SPAG17: variants seen among roughly 807,000 people sequenced by gnomAD.
SPAG17 encodes the protein sperm associated antigen 17.
A neutral mutation model predicts 273.6 loss-of-function variants in SPAG17; 169 were observed. The ratio of observed to expected loss-of-function variants is 0.62; its 90% CI spans 0.55 to 0.70. The LOEUF is 0.70. Among genes scored for constraint, SPAG17 ranks in the 30% least tolerant of loss-of-function variants. The pLI, the probability that SPAG17 is intolerant of heterozygous loss-of-function variation, is 0.00. For missense variants in SPAG17, 2,557 were observed against 2,627.8 expected, an observed-to-expected ratio of 0.97 and a Z score of 0.59; for synonymous variants, 825 against 873.2, an observed-to-expected ratio of 0.94 and a Z score of 0.97.
intron 3 of SPAG17, among the ~76,000 whole-genome samples, chr1:118,133,033 A>C (rs994842524): frequency 2.0e-5 from 3 of 152,046 alleles, no homozygotes; most frequent in African/African-American, 4.8e-5. Flanking sequence ...AGCCTCCCAA[A>C]GTGCTGTGAT....
chr1:118,173,807 C>T (rs956495134), intron 1 of SPAG17, among the ~76,000 whole-genome samples: 3 of 150,356 alleles, frequency 2.0e-5, no homozygotes, highest in African/African-American at 7.4e-5. Context: ...CTGCAGTGAG[C>T]CAACACTGTG....
Position 118,099,610 on chromosome 1 carries a change from T to A in SPAG17, c.825A>T (p.Ser275=). The A allele has an allele frequency of 6.2e-7, 1 of 1,613,968 alleles. No homozygotes were observed. Among genetic ancestry groups the A allele is most frequent in the Non-Finnish European group, 8.5e-7 (1 of 1,179,836 alleles). Residue 275 remains serine, a synonymous_variant, in exon 6 of 49, where the codon TCA becomes TCT. Transcript: ENST00000336338. The part of the protein sequence containing the change: ...VNQQQEVLLQ[S]EDLEAEKLKK... ...GTTGTGTAGCAGACTGCATACCTTC[T>A]GACTGAAGAAGAACTTCCTGCTGCT...
intron 3 of SPAG17, among the ~76,000 whole-genome samples, chr1:118,126,382 A>AT (rs1290741523): frequency 7.7e-4 from 105 of 136,142 alleles, no homozygotes; most frequent in Middle Eastern, 3.7e-3. Flanking sequence ...ATTTTTTTGT[A>AT]TTTTTTTTTT....
At chr1:118,115,693 C>T (rs758196700) in intron 3 of SPAG17, among the ~76,000 whole-genome samples, 6 of 152,082 alleles carry the variant, frequency 3.9e-5, no homozygotes, top group East Asian at 3.9e-4. Context: ...GTGCTTCCCA[C>T]GATGGTGTTA....
intron 3 of SPAG17, among the ~76,000 whole-genome samples, chr1:118,127,668 T>C (rs1176159590): frequency 1.3e-5 from 2 of 152,228 alleles, no homozygotes; most frequent in African/African-American, 2.4e-5. Context: ...AGAGATTGCA[T>C]TGAATATGTA....
chr1:118,090,569 A>T (rs1241233223), intron 10 of SPAG17, among the ~76,000 whole-genome samples: 2 of 152,210 alleles, frequency 1.3e-5, no homozygotes, highest in African/African-American at 4.8e-5. Flanking sequence ...AAATAAATCC[A>T]AAGAAAGTAG....
chr1:117,953,770 C>A lies in SPAG17; in HGVS notation c.*280G>T. Reference sequence around the variant, plus strand: ...AGGTGTTCCTGGGACCTGCCCTATTCAGAGTGTCTAGATATCATCCCACCT... The same window carrying A: ...AGGTGTTCCTGGGACCTGCCCTATTAAGAGTGTCTAGATATCATCCCACCT... On this transcript the variant is annotated 3_prime_UTR_variant, in exon 49 of 49. Coordinates refer to ENST00000336338, the MANE Select transcript of SPAG17 (RefSeq NM_206996.4). 1 of 610,106 alleles carries A rather than the reference C, an allele frequency of 1.6e-6. No individual in the cohort carries two copies. 37.8% of individuals were successfully genotyped at this position (610,106 alleles called of 1,614,324 possible). A position where few individuals can be genotyped will look rare whatever the true frequency, so the allele number is the denominator to read the frequency against.
chr1:118,177,020 T>C (rs1326339281), intron 1 of SPAG17, among the ~76,000 whole-genome samples: 1 of 152,034 alleles, frequency 6.6e-6, no homozygotes, highest in African/African-American at 2.4e-5. Flanking sequence ...AAAAACAACA[T>C]ACTGAAATCT....
intron 4 of SPAG17, among the ~76,000 whole-genome samples, chr1:118,114,617 A>G (rs56246080): frequency 0.016 from 2,420 of 152,316 alleles, 62 homozygotes; most frequent in African/African-American, 0.055. Flanking sequence ...CTTTCCAAAC[A>G]TAATTCAGCA....
chr1:118,167,897 G>C (rs950597588), intron 1 of SPAG17, among the ~76,000 whole-genome samples: 1 of 152,114 alleles, frequency 6.6e-6, no homozygotes, highest in Non-Finnish European at 1.5e-5. Flanking sequence ...GTGGGTTCTC[G>C]TGACATGTGG....
At position 118,113,189 on chromosome 1, in the gene SPAG17, C is replaced by T. The variant is rs151314122; in HGVS notation, c.447+2121G>A. The stretch of plus-strand genomic sequence containing the variant: ...TAACATTTGAAAGACAACATCTACA[C>T]AGATATGTTGATGTTAAAAAGTTGA... On this transcript the variant is annotated intron_variant, in intron 4 of 48. Coordinates refer to ENST00000336338, the MANE Select transcript of SPAG17 (RefSeq NM_206996.4). 4.7e-3 allele frequency among the ~76,000 whole-genome samples: 711 copies of T among 152,238 alleles called. 7 individuals are homozygous for T. Among genetic ancestry groups the T allele is most frequent in the African/African-American group, 0.016 (684 of 41,556 alleles).
intron 32 of SPAG17, among the ~76,000 whole-genome samples, chr1:118,000,962 C>G (rs533788780): frequency 1.3e-4 from 20 of 152,284 alleles, no homozygotes; most frequent in African/African-American, 4.6e-4. Context: ...GTGGGTTTGT[C>G]ATAAATAGCT....
At chr1:118,012,467 A>G (rs1659580160) in intron 29 of SPAG17, 95 bp from the exon 30 acceptor site, 2 of 1,385,242 alleles carry the variant, frequency 1.4e-6, no homozygotes, top group Non-Finnish European at 2.0e-6. Context: ...GGCACCATCA[A>G]AGTCCTAGTT....
intron 1 of SPAG17, among the ~76,000 whole-genome samples, chr1:118,152,980 C>G (rs889105132): frequency 1.3e-5 from 2 of 152,182 alleles, no homozygotes; most frequent in Non-Finnish European, 2.9e-5. Flanking sequence ...CCTTCCAAAA[C>G]TGAAGATTTT....
chr1:118,052,746 A>G (rs1416420799), intron 20 of SPAG17, among the ~76,000 whole-genome samples: 1 of 152,056 alleles, frequency 6.6e-6, no homozygotes. Context: ...AATGCTTGTT[A>G]ATGACAATAC....
chr1:118,140,782 A>G lies in SPAG17; in HGVS notation c.315+9761T>C, dbSNP rs1658638652. On this transcript the variant is annotated intron_variant, in intron 3 of 48. Coordinates refer to ENST00000336338, the MANE Select transcript of SPAG17 (RefSeq NM_206996.4). ...TGGCAGCCAGAAAATATTTTTTAAA[A>G]GAACTTAATTGTGTCATTCTCCTCT... 2.0e-5 allele frequency among the ~76,000 whole-genome samples: 3 copies of G among 152,206 alleles called. No individual in the cohort carries two copies. The South Asian group carries it at 6.2e-4, about 32-fold the overall frequency.
In SPAG17 at chr1:118,173,617, G is replaced by A. The variant is rs540621490; in HGVS notation, c.87+11454C>T. Among the ~76,000 whole-genome samples the A allele has an allele frequency of 7.9e-5, 12 of 152,276 alleles. No homozygotes were observed. In the South Asian group the frequency reaches 2.5e-3, roughly 32 times the overall value. ...AGGCCCTGAGAGGAAACTGTTGTGA[G>A]ACACTAGGAAATTAAGACATATTTA... On this transcript the variant is annotated intron_variant, in intron 1 of 48. Coordinates refer to ENST00000336338, the MANE Select transcript of SPAG17 (RefSeq NM_206996.4).
intron 1 of SPAG17, among the ~76,000 whole-genome samples, chr1:118,161,809 A>G (rs1659937110): frequency 6.6e-6 from 1 of 152,242 alleles, no homozygotes; most frequent in African/African-American, 2.4e-5. Context: ...TGCTGGGATT[A>G]CAGGCGTGAG....
chr1:118,020,244 C>A lies in SPAG17; in HGVS notation c.4069+3060G>T, dbSNP rs1029086775. ...GACCAGCCTGGCCAACATGGTGAAA[C>A]CCTGTCTCTACTAAAAATACAAAAC... On this transcript the variant is annotated intron_variant, in intron 28 of 48. Transcript: ENST00000336338. Among the ~76,000 whole-genome samples, 11 of 152,214 alleles carry A rather than the reference C, an allele frequency of 7.2e-5. No homozygotes were observed. The East Asian group carries it at 2.1e-3, about 29-fold the overall frequency.
Sources: allele counts gnomAD v4.1 joint callset (sites outside exome capture counted in the v4.1 genomes callset), GRCh38; gene constraint gnomAD v4.1.1; transcripts MANE v1.5; gene names NCBI Gene and HGNC (gene_info 2026-07-23, HGNC 2026-07-21).